WDR17: variants seen among roughly 807,000 people sequenced by gnomAD.
WDR17 encodes WD repeat-containing protein 17.
A neutral mutation model predicts 161.7 loss-of-function variants in WDR17; 143 were observed. That is an observed-to-expected ratio of 0.88 (90% CI 0.77 to 1.02). WDR17 has a LOEUF of 1.02. Ranked by LOEUF, WDR17 falls within the 50% of genes least tolerant of loss-of-function variation. The pLI, the probability that WDR17 is intolerant of heterozygous loss-of-function variation, is 0.00. For missense variants in WDR17, 1,469 were observed against 1,520.9 expected (o/e 0.97, Z 0.57); for synonymous variants, 517 against 515.6 (o/e 1.00, Z -0.04).
Position 176,168,686 on chromosome 4 carries a change from A to ATC in WDR17, c.3007_3008dup (p.Leu1004PhefsTer3). 1 of 1,613,660 alleles carries ATC rather than the reference A, an allele frequency of 6.2e-7. No individual in the cohort carries two copies. Among genetic ancestry groups the ATC allele is most frequent in the Non-Finnish European group, 8.5e-7 (1 of 1,179,782 alleles). On this transcript the variant is annotated frameshift_variant, in exon 23 of 29. Coordinates refer to ENST00000508596, the MANE Select transcript of WDR17 (RefSeq NM_181265.4). LOFTEE classifies it high-confidence loss of function. ...TACGTTAACAGGAATTTGGCAGCTGATCTTCTTCTGATGATTCCTGATAAT... is the reference window on the plus strand; with the variant it reads ...TACGTTAACAGGAATTTGGCAGCTGATCTCTTCTTCTGATGATTCCTGATAAT...
Position 176,163,221 on chromosome 4 carries a change from G to GA in WDR17, c.2919dup (p.Glu974ArgfsTer29). ...GCAGTCTGTGTGGGCACAGTACTAG[G>GA]AGAGTCTGCAGCACCAGCAACCCAC... On this transcript the variant is annotated frameshift_variant, in exon 22 of 29. Coordinates refer to ENST00000508596, the MANE Select transcript of WDR17 (RefSeq NM_181265.4). LOFTEE classifies it high-confidence loss of function. The GA allele has an allele frequency of 6.2e-7, 1 of 1,614,100 alleles. No individual in the cohort carries two copies. Among genetic ancestry groups the GA allele is most frequent in the South Asian group, 1.1e-5 (1 of 91,072 alleles).
intron 18 of WDR17, among the ~76,000 whole-genome samples, chr4:176,158,340 G>A (rs2126839844): frequency 6.6e-6 from 1 of 152,260 alleles, no homozygotes; most frequent in Admixed American, 6.5e-5. Context: ...ATATATCTAG[G>A]AGTTAAAAGT....
chr4:176,143,126 G>A (rs987121844), intron 11 of WDR17, among the ~76,000 whole-genome samples: 9 of 152,224 alleles, frequency 5.9e-5, no homozygotes, highest in African/African-American at 2.2e-4. Flanking sequence ...TGATCCACTC[G>A]CCTTGGCCTC....
At chr4:176,126,013 C>T (rs1170579596) in intron 5 of WDR17, among the ~76,000 whole-genome samples, 1 of 152,134 alleles carries the variant, frequency 6.6e-6, no homozygotes, top group Non-Finnish European at 1.5e-5. Context: ...TATAACAAAG[C>T]CACTCTCACA....
In WDR17 at chr4:176,148,257, G is replaced by A. The variant is rs1561179464; in HGVS notation, c.1819G>A (p.Asp607Asn). The change falls in exon 13 of 29, where the codon GAC becomes AAC. Residue 607 changes from aspartate (D) to asparagine (N), a missense_variant. Coordinates refer to ENST00000508596, the MANE Select transcript of WDR17 (RefSeq NM_181265.4). ...IPYLLISGSW[D>N]YTIKVWDTRE... is the part of the protein sequence containing the mutation. ...ATATCTGCTCATATCTGGCAGCTGG[G>A]ACTATACTATAAAAGTATGGGACAC... The A allele has an allele frequency of 6.2e-7, 1 of 1,613,994 alleles. No homozygotes were observed.
chr4:176,121,005 G>T (rs1163525949), intron 4 of WDR17, among the ~76,000 whole-genome samples: 3 of 152,002 alleles, frequency 2.0e-5, no homozygotes, highest in African/African-American at 4.8e-5. Context: ...TTTTAAATGG[G>T]ATCTATTATT....
intron 8 of WDR17, 139 bp from the exon 9 acceptor site, chr4:176,137,381 C>A: frequency 3.3e-6 from 2 of 604,848 alleles, no homozygotes; most frequent in Non-Finnish European, 5.7e-6. Context: ...TAATTTTATA[C>A]AGTTAATAAT....
intron 11 of WDR17, 124 bp downstream of exon 11, chr4:176,142,193 C>A: frequency 3.4e-6 from 2 of 591,560 alleles, no homozygotes; most frequent in Non-Finnish European, 5.5e-6. Flanking sequence ...TCCCCTTTGC[C>A]TAGCAAATGA....
chr4:176,138,668 T>A (rs571808333), intron 9 of WDR17, among the ~76,000 whole-genome samples: 2 of 151,888 alleles, frequency 1.3e-5, no homozygotes, highest in East Asian at 1.9e-4. Flanking sequence ...AAATTGTATA[T>A]CTTTACTCAT....
chr4:176,136,972 C>T (rs1020251010), intron 8 of WDR17, among the ~76,000 whole-genome samples: 1 of 151,554 alleles, frequency 6.6e-6, no homozygotes, highest in Non-Finnish European at 1.5e-5. Context: ...CTACTACTCA[C>T]TTAGCAGTAG....
At chr4:176,086,372 G>A (rs1735418798) in intron 1 of WDR17, among the ~76,000 whole-genome samples, 1 of 151,794 alleles carries the variant, frequency 6.6e-6, no homozygotes, top group Admixed American at 6.6e-5. Context: ...ATTGAGATTT[G>A]TTACTTAAAA....
rs760477740 is a variant in WDR17 at position 176,137,559 on chromosome 4, G to C, written c.1307G>C (p.Gly436Ala). 7 of 1,601,106 alleles carry C rather than the reference G, an allele frequency of 4.4e-6. No homozygotes were observed. The Admixed American group carries it at 6.7e-5, about 15-fold the overall frequency. ...ATTGCTGGGGGAACTTCCCGAAATG[G>C]TGCTTTTATTTGGAATGTTCAAAAG... is the stretch of plus-strand genomic sequence containing the variant. ...NCIAGGTSRN[G>A]AFIWNVQKGK... Residue 436 changes from glycine (G) to alanine (A), a missense_variant, in exon 9 of 29, where the codon GGT becomes GCT. Gly to Ala is a moderately conservative substitution (Grantham distance 60). Transcript: ENST00000508596.
At chr4:176,096,492 A>G (rs758851328) in intron 1 of WDR17, 38 of 1,585,144 alleles carry the variant, frequency 2.4e-5, no homozygotes, top group Admixed American at 7.1e-5. Flanking sequence ...CGAGTTTCCA[A>G]TTGCCTTGAT....
At chr4:176,106,164 C>CGGG (rs2126675762) in intron 1 of WDR17, among the ~76,000 whole-genome samples, 1 of 152,046 alleles carries the variant, frequency 6.6e-6, no homozygotes, top group African/African-American at 2.4e-5. Flanking sequence ...CTGGGGGACT[C>CGGG]GCATTTTCTG....
chr4:176,171,747 C>G (rs1750761249), intron 23 of WDR17, among the ~76,000 whole-genome samples: 1 of 150,036 alleles, frequency 6.7e-6, no homozygotes, highest in African/African-American at 2.5e-5. Context: ...GAGAGAGGAT[C>G]AGACTCTCAG....
chr4:176,168,037 C>G (rs1483955966), intron 22 of WDR17, among the ~76,000 whole-genome samples: 1 of 151,778 alleles, frequency 6.6e-6, no homozygotes, highest in Non-Finnish European at 1.5e-5. Context: ...ATCCCAGCTA[C>G]TCAGGAGGCT....
chr4:176,131,488 G>T, intron 6 of WDR17, 66 bp from the exon 7 acceptor site: 1 of 1,405,418 alleles, frequency 7.1e-7, no homozygotes, highest in Non-Finnish European at 9.5e-7. Flanking sequence ...TTTTTTTAAT[G>T]AAGAATCTTT....
chr4:176,075,204 A>C (rs1284740180), intron 1 of WDR17, among the ~76,000 whole-genome samples: 1 of 151,934 alleles, frequency 6.6e-6, no homozygotes, highest in African/African-American at 2.4e-5. Flanking sequence ...TAACAAAAAA[A>C]ATTCAAGATT....
At chr4:176,123,238 A>G (rs1299717053) in intron 4 of WDR17, among the ~76,000 whole-genome samples, 3 of 152,152 alleles carry the variant, frequency 2.0e-5, no homozygotes, top group Non-Finnish European at 2.9e-5. Context: ...TACTTAGTGG[A>G]AAAAACAGAC....
Sources: gnomAD v4.1 joint callset for allele counts (sites outside exome capture counted in the v4.1 genomes callset) on GRCh38, gnomAD v4.1.1 for gene constraint, MANE v1.5 for transcripts, NCBI Gene and HGNC (gene_info 2026-07-23, HGNC 2026-07-21) for gene names.